Variants in CNBD1 observed in about 807,000 individuals in gnomAD.
CNBD1 encodes the protein cyclic nucleotide binding domain containing 1.
A neutral mutation model predicts 54.4 loss-of-function variants in CNBD1; 71 were observed. The ratio of observed to expected loss-of-function variants is 1.30; its 90% CI spans 1.08 to 1.59. The LOEUF is 1.59. CNBD1 is among the 40% of genes most tolerant of loss of function. The pLI, the probability that CNBD1 is intolerant of heterozygous loss-of-function variation, is 0.00. For synonymous variants in CNBD1, 182 were observed against 170.7 expected, an observed-to-expected ratio of 1.07 and a Z score of -0.51; for missense variants, 659 against 518.0, an observed-to-expected ratio of 1.27 and a Z score of -2.64.
rs6150689 is a variant in CNBD1 at position 87,411,397 on chromosome 8, CATATATATAT to C, written c.214-17128_214-17119del. 1.3e-3 allele frequency among the ~76,000 whole-genome samples: 119 copies of C among 92,402 alleles called. 2 individuals are homozygous for C. The highest frequency in any genetic ancestry group is 4.5e-3 in the African/African-American group (104 of 23,050). The allele number at this position is 92,402 out of a possible 152,430, so 60.6% of individuals were successfully genotyped here. A position where few individuals can be genotyped will look rare whatever the true frequency, so the allele number is the denominator to read the frequency against. On this transcript the variant is annotated intron_variant, in intron 2 of 7. Transcript: ENST00000521593. The stretch of plus-strand genomic sequence containing the variant: ...ATAGGCAGGATTAACCTAGCTATAT[CATATATATAT>C]ATATATATATATATATATATTTCAT...
At chr8:87,364,430 A>C (rs762223093) in intron 10 of CNBD1, among the ~76,000 whole-genome samples, 1 of 151,740 alleles carries the variant, frequency 6.6e-6, no homozygotes. Context: ...CAAGTGTATT[A>C]AACTGTTTTA....
Position 87,400,837 on chromosome 8 carries a change from TG to T in CNBD1, c.214-27707del, listed in dbSNP as rs1304738500. ...CTGGTTGACATAGTGATTTCAACTT[TG>T]GCTGCTTATTGCTTTTTAAAGAATA... On this transcript the variant is annotated intron_variant, in intron 2 of 7. Coordinates refer to the CNBD1 transcript ENST00000521593. 5.9e-5 allele frequency among the ~76,000 whole-genome samples: 9 copies of T among 152,156 alleles called. No individual in the cohort carries two copies. In the East Asian group the frequency reaches 1.7e-3, roughly 30 times the overall value.
intron 10 of CNBD1, among the ~76,000 whole-genome samples, chr8:87,378,878 T>G (rs1003041167): frequency 1.6e-4 from 24 of 149,588 alleles, no homozygotes; most frequent in African/African-American, 6.0e-4. Flanking sequence ...ATATCCCTTG[T>G]AAGTTGGATT....
chr8:87,174,162 G>T (rs913063281), intron 4 of CNBD1, among the ~76,000 whole-genome samples: 12 of 151,998 alleles, frequency 7.9e-5, no homozygotes, highest in Admixed American at 3.9e-4. Flanking sequence ...GTTTCACCAT[G>T]TTGGCCTGGA....
intron 4 of CNBD1, among the ~76,000 whole-genome samples, chr8:87,187,376 T>C (rs1813502542): frequency 6.6e-6 from 1 of 152,106 alleles, no homozygotes; most frequent in Non-Finnish European, 1.5e-5. Flanking sequence ...GAAGTTTATG[T>C]TTGTAAATTA....
intron 8 of CNBD1, among the ~76,000 whole-genome samples, chr8:87,350,758 A>C (rs577800793): frequency 6.6e-6 from 1 of 152,114 alleles, no homozygotes; most frequent in African/African-American, 2.4e-5. Context: ...AGAATTAAAT[A>C]TTGATATGTT....
rs964366600 is a variant in CNBD1 at position 87,036,745 on chromosome 8, A to C, written c.431+96991A>C. Among the ~76,000 whole-genome samples the C allele has an allele frequency of 2.6e-5, 4 of 152,104 alleles. No homozygotes were observed. In the East Asian group the frequency reaches 7.7e-4, roughly 29 times the overall value. On this transcript the variant is annotated intron_variant, in intron 4 of 10. Coordinates refer to ENST00000518476, the MANE Select transcript of CNBD1 (RefSeq NM_173538.3). ...TATATCTGTCATTGATTTGTCTTTC[A>C]ATTGTTCAAATAAAAGTAAAACTCT...
Position 87,230,714 on chromosome 8 carries a change from T to A in CNBD1, c.578-6205T>A, listed in dbSNP as rs116357175. Among the ~76,000 whole-genome samples the A allele has an allele frequency of 3.7e-3, 569 of 152,300 alleles. 3 individuals carry two copies. The highest frequency in any genetic ancestry group is 0.013 in the African/African-American group (534 of 41,564). The stretch of plus-strand genomic sequence containing the variant: ...AATATTTAATGCTTGGTACATGATA[T>A]TTACTCTTCATGGCATGTTTGGTAT... On this transcript the variant is annotated intron_variant, in intron 5 of 10. Transcript: ENST00000518476.
At chr8:86,999,823 T>A (rs2130542879) in intron 4 of CNBD1, among the ~76,000 whole-genome samples, 1 of 152,330 alleles carries the variant, frequency 6.6e-6, no homozygotes, top group African/African-American at 2.4e-5. Flanking sequence ...AGTGATGCTC[T>A]TCAAAGCATC....
At chr8:87,334,712 CTTTTTTCTTTTCTTTTT>C (rs1338061438) in intron 8 of CNBD1, among the ~76,000 whole-genome samples, 3,328 of 139,612 alleles carry the variant, frequency 0.024, 55 homozygotes, top group Non-Finnish European at 0.035. Context: ...CTTTTCTTTT[CTTTTTTCTTTTCTTTTT>C]TTTTTTTTAA....
At chr8:87,291,525 A>C (rs1282560389) in intron 8 of CNBD1, among the ~76,000 whole-genome samples, 1 of 152,090 alleles carries the variant, frequency 6.6e-6, no homozygotes, top group Non-Finnish European at 1.5e-5. Context: ...TAATGCCTTT[A>C]ACAGTGTAAG....
intron 8 of CNBD1, among the ~76,000 whole-genome samples, chr8:87,309,105 T>G (rs1399697158): frequency 6.6e-6 from 1 of 151,892 alleles, no homozygotes; most frequent in East Asian, 1.9e-4. Context: ...GGGTAAGTAG[T>G]CAGTAATAGG....
intron 8 of CNBD1, among the ~76,000 whole-genome samples, chr8:87,303,766 C>T (rs1284979771): frequency 1.5e-5 from 2 of 131,092 alleles, no homozygotes; most frequent in African/African-American, 5.7e-5. Flanking sequence ...CCAGAATCTA[C>T]AATGAACTCA....
At chr8:86,948,555 A>AT (rs1586155218) in intron 4 of CNBD1, among the ~76,000 whole-genome samples, 1 of 152,024 alleles carries the variant, frequency 6.6e-6, no homozygotes, top group Non-Finnish European at 1.5e-5. Context: ...TTTGCATGTC[A>AT]TTTTTTTGAG....
intron 4 of CNBD1, among the ~76,000 whole-genome samples, chr8:87,006,966 A>G (rs1266424551): frequency 6.6e-6 from 1 of 152,202 alleles, no homozygotes; most frequent in African/African-American, 2.4e-5. Context: ...GGAGGCCAAG[A>G]TAGGTGGATC....
In CNBD1 at chr8:87,166,753, C is replaced by T. The variant is rs1285061491; in HGVS notation, c.432-39240C>T. ...TGTTACAAAATTTTATGACAGCCTC[C>T]GTTGCATATTTTGTTTACCCTTGCA... is the stretch of plus-strand genomic sequence containing the variant. On this transcript the variant is annotated intron_variant, in intron 4 of 10. Coordinates refer to ENST00000518476, the MANE Select transcript of CNBD1 (RefSeq NM_173538.3). The surrounding 1 kb of genome is among the most constrained non-coding windows in gnomAD (Gnocchi z 4.3). 1.3e-5 allele frequency among the ~76,000 whole-genome samples: 2 copies of T among 151,890 alleles called. No homozygotes were observed. Among genetic ancestry groups the T allele is most frequent in the African/African-American group, 2.4e-5 (1 of 41,408 alleles).
chr8:87,190,480 T>C (rs968776641), intron 4 of CNBD1, among the ~76,000 whole-genome samples: 1 of 152,156 alleles, frequency 6.6e-6, no homozygotes, highest in Admixed American at 6.5e-5. Flanking sequence ...CCTTATTCCA[T>C]ATTCTTTTTT....
chr8:86,900,300 C>G (rs948875502), intron 2 of CNBD1, among the ~76,000 whole-genome samples: 1 of 152,072 alleles, frequency 6.6e-6, no homozygotes, highest in Non-Finnish European at 1.5e-5. Flanking sequence ...TAGTTCTGTT[C>G]TCATGATAAA....
chr8:87,130,079 G>C (rs533498659), intron 4 of CNBD1, among the ~76,000 whole-genome samples: 2 of 151,998 alleles, frequency 1.3e-5, no homozygotes, highest in South Asian at 4.2e-4. Context: ...CACAGTAAAG[G>C]CCTGCCCCCA....
Sources: gnomAD v4.1 joint callset for allele counts (sites outside exome capture counted in the v4.1 genomes callset) on GRCh38, gnomAD v4.1.1 for gene constraint, Gnocchi (gnomAD v3.1) non-coding constraint, MANE v1.5 for transcripts, NCBI Gene and HGNC (gene_info 2026-07-23, HGNC 2026-07-21) for gene names.